The following ACAN variants were observed in gnomAD, a reference collection of about 807,000 sequenced individuals.
ACAN encodes the protein aggrecan.
Under a neutral mutation model 169.1 loss-of-function variants are expected in ACAN, and 47 were observed. The ratio of observed to expected loss-of-function variants is 0.28; its 90% CI spans 0.22 to 0.35. The LOEUF (loss-of-function observed/expected upper bound fraction) is 0.35, where lower values mean the gene tolerates loss of function less well. Ranked by LOEUF, ACAN falls within the 10% of genes least tolerant of loss-of-function variation. ACAN has a pLI of 1.00. For synonymous variants in ACAN, 1,115 were observed against 1,112.2 expected, an observed-to-expected ratio of 1.00 and a Z score of -0.05; for missense variants, 2,716 against 2,759.9, an observed-to-expected ratio of 0.98 and a Z score of 0.36.
At position 88,859,028 on chromosome 15, in the gene ACAN, G is replaced by C; in HGVS notation, c.6443G>C (p.Gly2148Ala). ...EANLERSSGL[G>A]VSGSTLTFQE... ...AACCTTGAGAGATCCTCTGGCCTAG[G>C]AGTGAGCGGCAGCACTTTGACATTT... The change falls in exon 12 of 19, where the codon GGA (glycine) becomes GCA (alanine). Residue 2148 changes from glycine to alanine, a missense_variant. Gly to Ala is a moderately conservative substitution (Grantham distance 60). Coordinates refer to ENST00000560601, the MANE Select transcript of ACAN (RefSeq NM_001369268.1). The C allele has an allele frequency of 6.2e-7, 1 of 1,613,964 alleles. No individual in the cohort carries two copies.
At position 88,852,093 on chromosome 15, in the gene ACAN, G is replaced by A. The variant is rs1896945797; in HGVS notation, c.2266+60G>A. 3.3e-6 allele frequency: 5 copies of A among 1,533,388 alleles called. No homozygotes were observed. In the Admixed American group the frequency reaches 1.0e-4, roughly 31 times the overall value. The allele number at this position is 1,533,388 out of a possible 1,614,324, so 95.0% of individuals were successfully genotyped here. A position where few individuals can be genotyped will look rare whatever the true frequency, so the allele number is the denominator to read the frequency against. Reference sequence around the variant, plus strand: ...AGCTGCATACCCCTGTCTTCCTACAGTGTGCCTGGTGGGGCGGGGGGGTTC... The same window carrying A: ...AGCTGCATACCCCTGTCTTCCTACAATGTGCCTGGTGGGGCGGGGGGGTTC... On this transcript the variant is annotated intron_variant, in intron 11 of 18. Transcript: ENST00000560601.
rs1192595842 is a variant in ACAN at position 88,871,549 on chromosome 15, G to A, written c.7219+9G>A. On this transcript the variant is annotated intron_variant, in intron 15 of 18. Transcript: ENST00000560601. The surrounding 1 kb of genome is among the most constrained non-coding windows in gnomAD (Gnocchi z 7.8). ...GCAGGAGTTTGTCAACAGTGAGTGC[G>A]GCGGGGCCTCTGGAGCCTGAGAGGA... 5.6e-6 allele frequency: 9 copies of A among 1,607,618 alleles called. No homozygotes were observed. The highest frequency in any genetic ancestry group is 1.1e-5 in the South Asian group (1 of 90,222).
At chr15:88,852,221 G>A (rs1408764012) in intron 11 of ACAN, among the ~76,000 whole-genome samples, 188 bp downstream of exon 11, 1 of 152,202 alleles carries the variant, frequency 6.6e-6, no homozygotes, top group Non-Finnish European at 1.5e-5. Flanking sequence ...CTGCCCCAGA[G>A]TGACAAAAAC....
chr15:88,841,461 A>G (rs1214856784), intron 4 of ACAN, among the ~76,000 whole-genome samples: 1 of 150,326 alleles, frequency 6.7e-6, no homozygotes, highest in Non-Finnish European at 1.5e-5. Context: ...GAGACTATGC[A>G]AAACCTAAAA....
chr15:88,814,457 G>A lies in ACAN; in HGVS notation c.-8+10648G>A, dbSNP rs1018358525. On this transcript the variant is annotated intron_variant, in intron 1 of 18. Coordinates refer to ENST00000560601, the MANE Select transcript of ACAN (RefSeq NM_001369268.1). This position sits in a 1 kb window ranked among gnomAD's most constrained non-coding sequence, Gnocchi z 4.0. ...TCTTACCATCCTGGAGCAGAAAGGG[G>A]CCTCAGGAATGCAAGAAGAGCCACA... is the stretch of plus-strand genomic sequence containing the variant. 1.6e-4 allele frequency among the ~76,000 whole-genome samples: 25 copies of A among 152,168 alleles called. No homozygotes were observed. The highest frequency in any genetic ancestry group is 3.5e-4 in the Non-Finnish European group (24 of 68,028).
In ACAN at chr15:88,858,451, G is replaced by A. The variant is rs750319773; in HGVS notation, c.5866G>A (p.Glu1956Lys). 6.2e-7 allele frequency: 1 copy of A among 1,613,722 alleles called. No individual in the cohort carries two copies. The highest frequency in any genetic ancestry group is 1.3e-5 in the African/African-American group (1 of 75,056). ...TQAPTAQEAG[E>K]GPSGILELSG... is the part of the protein sequence containing the mutation. Reference sequence around the variant, plus strand: ...GGCTCCAACAGCCCAAGAGGCAGGAGAAGGGCCTTCTGGCATTTTAGAACT... The same window carrying A: ...GGCTCCAACAGCCCAAGAGGCAGGAAAAGGGCCTTCTGGCATTTTAGAACT... Residue 1956 changes from glutamate (E) to lysine (K), a missense_variant, in exon 12 of 19, where the codon GAA becomes AAA. By Grantham distance (56) the Glu-to-Lys change is moderately conservative. Around this residue, in one of 3 missense-constraint regions of ACAN, gnomAD observed 1,389 missense variants for 1,363.7 expected, o/e 1.02. Transcript: ENST00000560601. This position sits in a 1 kb window ranked among gnomAD's most constrained non-coding sequence, Gnocchi z 4.0.
intron 4 of ACAN, among the ~76,000 whole-genome samples, chr15:88,840,418 C>T (rs942509843): frequency 6.6e-6 from 1 of 152,218 alleles, no homozygotes; most frequent in Non-Finnish European, 1.5e-5. Flanking sequence ...TGCTAGCAAC[C>T]TTGCCCTACA....
chr15:88,854,759 G>A (rs1897008523), intron 11 of ACAN, 93 bp from the exon 12 acceptor site: 5 of 1,303,068 alleles, frequency 3.8e-6, no homozygotes, highest in Non-Finnish European at 4.9e-6. Context: ...AAATTTTACT[G>A]TGGAAAGAAT....
Position 88,858,571 on chromosome 15 carries a change from G to A in ACAN, c.5986G>A (p.Gly1996Arg), listed in dbSNP as rs377010256. The change falls in exon 12 of 19, where the codon GGA becomes AGA. Residue 1996 changes from glycine to arginine, a missense_variant. By Grantham distance (125) the Gly-to-Arg change is moderately radical (BLOSUM62 -2). Transcript: ENST00000560601. This position sits in a 1 kb window ranked among gnomAD's most constrained non-coding sequence, Gnocchi z 4.0. ...GCAGTCCGGGCTGATAGAGCCCAGC[G>A]GAGAGCCACCAGGTACTCCATATTT... Reference protein sequence around the residue: ...GLQSGLIEPSGEPPGTPYFSG... With the variant: ...GLQSGLIEPSREPPGTPYFSG... The A allele has an allele frequency of 2.4e-5, 39 of 1,613,858 alleles. No homozygotes were observed. Among genetic ancestry groups the A allele is most frequent in the African/African-American group, 2.3e-4 (17 of 75,052 alleles).
chr15:88,843,403 C>A lies in ACAN; in HGVS notation c.806C>A (p.Ala269Glu). Residue 269 changes from alanine (A) to glutamate (E), a missense_variant, in exon 6 of 19, where the codon GCA becomes GAA. Around this residue, in one of 3 missense-constraint regions of ACAN, gnomAD observed 1,283 missense variants for 1,281.5 expected, o/e 1.00. Transcript: ENST00000560601. This position sits in a 1 kb window ranked among gnomAD's most constrained non-coding sequence, Gnocchi z 4.0. ...TSPEKFTFQE[A>E]ANECRRLGAR... Reference sequence around the variant, plus strand: ...CCAGAGAAGTTCACCTTCCAGGAAGCAGCCAATGAGTGCCGGCGGCTGGGT... The same window carrying A: ...CCAGAGAAGTTCACCTTCCAGGAAGAAGCCAATGAGTGCCGGCGGCTGGGT... 1 of 1,600,468 alleles carries A rather than the reference C, an allele frequency of 6.2e-7. No homozygotes were observed. Among genetic ancestry groups the A allele is most frequent in the South Asian group, 1.1e-5 (1 of 90,394 alleles).
In ACAN at chr15:88,851,736, C is replaced by G; in HGVS notation, c.2027-58C>G. The G allele has an allele frequency of 1.7e-5, 25 of 1,502,912 alleles. No homozygotes were observed. The highest frequency in any genetic ancestry group is 2.0e-5 in the Non-Finnish European group (22 of 1,121,014). 93.1% of individuals were successfully genotyped at this position (1,502,912 alleles called of 1,614,324 possible). On this transcript the variant is annotated intron_variant, in intron 10 of 18. Transcript: ENST00000560601. This position sits in a 1 kb window ranked among gnomAD's most constrained non-coding sequence, Gnocchi z 4.3. ...CCTAGCTCCCCTCAAGAAGGGCCAG[C>G]CAAGGACGGGTCACTGGTAAGAGAG...
intron 13 of ACAN, among the ~76,000 whole-genome samples, chr15:88,862,682 C>G (rs1897218415): frequency 6.6e-6 from 1 of 152,170 alleles, no homozygotes. Flanking sequence ...GCACCACAAT[C>G]AGGAACTACA....
In ACAN at chr15:88,861,451, A is replaced by G. The variant is rs1441671928; in HGVS notation, c.6946+1012A>G. Among the ~76,000 whole-genome samples, 2 of 152,268 alleles carry G rather than the reference A, an allele frequency of 1.3e-5. No individual in the cohort carries two copies. Among genetic ancestry groups the G allele is most frequent in the East Asian group, 3.9e-4 (2 of 5,192 alleles). On this transcript the variant is annotated intron_variant, in intron 13 of 18. Transcript: ENST00000560601. The surrounding 1 kb of genome is among the most constrained non-coding windows in gnomAD (Gnocchi z 6.3). Reference sequence around the variant, plus strand: ...ACAGAGAAGAATTCTGTGTCTATATATATTAATATACATGCAAATTAATAC... The same window carrying G: ...ACAGAGAAGAATTCTGTGTCTATATGTATTAATATACATGCAAATTAATAC...
chr15:88,854,701 C>T (rs767277655), intron 11 of ACAN, 151 bp from the exon 12 acceptor site: 2 of 788,110 alleles, frequency 2.5e-6, no homozygotes, highest in Non-Finnish European at 3.6e-6. Context: ...ACACTTTACA[C>T]AGTTCCATTA....
Position 88,839,984 on chromosome 15 carries a change from C to T in ACAN, c.455-28C>T, listed in dbSNP as rs373051711. On this transcript the variant is annotated intron_variant, in intron 3 of 18. Coordinates refer to ENST00000560601, the MANE Select transcript of ACAN (RefSeq NM_001369268.1). The surrounding 1 kb of genome is among the most constrained non-coding windows in gnomAD (Gnocchi z 4.5). The stretch of plus-strand genomic sequence containing the variant: ...AGAGACTGTGCCTGACCAGCTCTTC[C>T]GCTTGTGGGCGTGTATGTGTCTTGC... 349 of 1,579,062 alleles carry T rather than the reference C, an allele frequency of 2.2e-4. No homozygotes were observed. The highest frequency in any genetic ancestry group is 1.2e-3 in the Middle Eastern group (7 of 6,044).
Position 88,839,119 on chromosome 15 carries a change from G to T in ACAN, c.454+73G>T. 6.5e-7 allele frequency: 1 copy of T among 1,549,328 alleles called. No homozygotes were observed. The highest frequency in any genetic ancestry group is 8.7e-7 in the Non-Finnish European group (1 of 1,153,414). On this transcript the variant is annotated intron_variant, in intron 3 of 18. Transcript: ENST00000560601. This position sits in a 1 kb window ranked among gnomAD's most constrained non-coding sequence, Gnocchi z 4.5. The stretch of plus-strand genomic sequence containing the variant: ...CCAGAGCAGTCTCCGCAGTGCAGGC[G>T]CAGGCAGGCTGGCCTTCAAACCAGC...
chr15:88,822,152 T>C (rs1326714416), intron 1 of ACAN, among the ~76,000 whole-genome samples: 1 of 152,236 alleles, frequency 6.6e-6, no homozygotes, highest in Non-Finnish European at 1.5e-5. Flanking sequence ...GTCAGGTTGA[T>C]ACCTCGTGCC....
At position 88,838,923 on chromosome 15, in the gene ACAN, G is replaced by A. The variant is rs867952487; in HGVS notation, c.331G>A (p.Ala111Thr). The A allele has an allele frequency of 6.2e-7, 1 of 1,613,988 alleles. No homozygotes were observed. The highest frequency in any genetic ancestry group is 1.3e-5 in the African/African-American group (1 of 75,078). ...CAAGGTCTCACTGCCCAACTACCCG[G>A]CCATCCCCAGTGACGCCACCTTGGA... The part of the protein sequence containing the change: ...QDKVSLPNYP[A>T]IPSDATLEVQ... The change falls in exon 3 of 19, where the codon GCC becomes ACC. Residue 111 changes from alanine to threonine, a missense_variant. By Grantham distance (58) the Ala-to-Thr change is moderately conservative. Coordinates refer to ENST00000560601, the MANE Select transcript of ACAN (RefSeq NM_001369268.1). The surrounding 1 kb of genome is among the most constrained non-coding windows in gnomAD (Gnocchi z 5.1).
Position 88,873,149 on chromosome 15 carries a change from G to C in ACAN, c.7447+124G>C. On this transcript the variant is annotated intron_variant, in intron 17 of 18. Transcript: ENST00000560601. The surrounding 1 kb of genome is among the most constrained non-coding windows in gnomAD (Gnocchi z 7.5). ...TCTGGCTGCTGGTGTCTCCTCACTT[G>C]TCCAAAAGGCAGACTGGAGCTGACC... 7.6e-7 allele frequency: 1 copy of C among 1,310,296 alleles called. No individual in the cohort carries two copies. Among genetic ancestry groups the C allele is most frequent in the South Asian group, 1.5e-5 (1 of 65,926 alleles). The allele number at this position is 1,310,296 out of a possible 1,614,324, so 81.2% of individuals were successfully genotyped here. A position where few individuals can be genotyped will look rare whatever the true frequency, so the allele number is the denominator to read the frequency against.
Sources: gnomAD v4.1 joint callset for allele counts (sites outside exome capture counted in the v4.1 genomes callset) on GRCh38, gnomAD v4.1.1 for gene constraint, gnomAD v4.1.1 regional missense constraint, Gnocchi (gnomAD v3.1) non-coding constraint, MANE v1.5 for transcripts, NCBI Gene and HGNC (gene_info 2026-07-23, HGNC 2026-07-21) for gene names.